Variants in P4HA1 observed in about 807,000 individuals in gnomAD.
The protein encoded by P4HA1 is prolyl 4-hydroxylase subunit alpha 1, also known as prolyl 4-hydroxylase subunit alpha-1.
Under a neutral mutation model 72.8 loss-of-function variants are expected in P4HA1, and 24 were observed. That is an observed-to-expected ratio of 0.33 (90% CI 0.24 to 0.46). P4HA1 has a LOEUF of 0.46. Among genes scored for constraint, P4HA1 ranks in the 20% least tolerant of loss-of-function variants. The pLI is 1.00. For missense variants in P4HA1, 446 were observed against 640.6 expected (o/e 0.70, Z 3.28); for synonymous variants, 201 against 218.8 (o/e 0.92, Z 0.72).
intron 12 of P4HA1, among the ~76,000 whole-genome samples, chr10:73,011,354 CACAGAT>C (rs1450180145): frequency 6.6e-6 from 1 of 152,086 alleles, no homozygotes; most frequent in African/African-American, 2.4e-5. Context: ...TGAGTCAATA[CACAGAT>C]ATAAATATGT....
intron 1 of P4HA1, among the ~76,000 whole-genome samples, chr10:73,075,165 T>C (rs1774195044): frequency 6.6e-6 from 1 of 152,264 alleles, no homozygotes; most frequent in Non-Finnish European, 1.5e-5. Context: ...TGGAGTGCCA[T>C]GGTGTGATCT....
intron 11 of P4HA1, among the ~76,000 whole-genome samples, chr10:73,015,564 T>G (rs529063906): frequency 1.3e-5 from 2 of 152,208 alleles, no homozygotes; most frequent in African/African-American, 4.8e-5. Flanking sequence ...GGCTCCTGTA[T>G]CACAAGAGAT....
chr10:73,055,133 T>C (rs1421921658), intron 5 of P4HA1, among the ~76,000 whole-genome samples: 1 of 152,188 alleles, frequency 6.6e-6, no homozygotes, highest in Non-Finnish European at 1.5e-5. Flanking sequence ...GCTGAGAGGC[T>C]AAGGCAAGAA....
At position 73,009,898 on chromosome 10, in the gene P4HA1, AGTTCCC is replaced by A; in HGVS notation, c.1438-1_1442del. On this transcript the variant is annotated splice_acceptor_variant and coding_sequence_variant, in exon 14 of 15. Coordinates refer to ENST00000394890, the MANE Select transcript of P4HA1 (RefSeq NM_001017962.3). LOFTEE classifies it high-confidence loss of function. ...CAAACAGATTATACCAGAAAACAGC[AGTTCCC>A]TATGGAGAACAATTCACAATTATCC... 1 of 1,577,404 alleles carries A rather than the reference AGTTCCC, an allele frequency of 6.3e-7. No individual in the cohort carries two copies. Among genetic ancestry groups the A allele is most frequent in the Non-Finnish European group, 8.7e-7 (1 of 1,146,724 alleles).
chr10:73,026,745 A>T (rs1840279595), intron 10 of P4HA1, among the ~76,000 whole-genome samples: 1 of 152,218 alleles, frequency 6.6e-6, no homozygotes, highest in Admixed American at 6.5e-5. Context: ...CAAAGAACTT[A>T]AATTTACAAG....
rs376523032 is a variant in P4HA1 at position 73,078,326 on chromosome 10, A to AATGTTGTT, written c.-32-3419_-32-3412dup. 1.8e-3 allele frequency among the ~76,000 whole-genome samples: 272 copies of AATGTTGTT among 152,264 alleles called. 3 individuals carry two copies. Among genetic ancestry groups the AATGTTGTT allele is most frequent in the African/African-American group, 6.2e-3 (258 of 41,576 alleles). On this transcript the variant is annotated intron_variant, in intron 1 of 14. Coordinates refer to ENST00000394890, the MANE Select transcript of P4HA1 (RefSeq NM_001017962.3). ...GAACAATTAACAAGCAAAATTATTT[A>AATGTTGTT]ATGTTGTTATATGCCAAGAAACTTA...
In P4HA1 at chr10:73,079,615, G is replaced by A. The variant is rs1012188063; in HGVS notation, c.-32-4700C>T. ...AAATTAGCCGGGCGTGGTGGCAGGC[G>A]CCTATAATCCCAGCTACTCAGGAGG... On this transcript the variant is annotated intron_variant, in intron 1 of 14. Coordinates refer to ENST00000394890, the MANE Select transcript of P4HA1 (RefSeq NM_001017962.3). Among the ~76,000 whole-genome samples the A allele has an allele frequency of 8.5e-5, 13 of 152,160 alleles. 1 individual carries two copies. The highest frequency in any genetic ancestry group is 8.3e-4 in the South Asian group (4 of 4,816).
At chr10:73,036,553 C>T (rs12243819) in intron 9 of P4HA1, among the ~76,000 whole-genome samples, 16,224 of 151,912 alleles carry the variant, frequency 0.11, 1,245 homozygotes, top group East Asian at 0.29. Context: ...TGCACCACCA[C>T]GCCCGGCTAA....
chr10:73,018,219 T>C (rs1273416301), intron 10 of P4HA1, among the ~76,000 whole-genome samples: 1 of 151,906 alleles, frequency 6.6e-6, no homozygotes, highest in Non-Finnish European at 1.5e-5. Context: ...CTGCATCCCA[T>C]GAGATGTCTG....
intron 1 of P4HA1, among the ~76,000 whole-genome samples, chr10:73,081,384 T>C (rs1212637765): frequency 6.6e-6 from 1 of 152,166 alleles, no homozygotes; most frequent in East Asian, 1.9e-4. Flanking sequence ...GGTTCAAAAG[T>C]GTTTATTATA....
intron 6 of P4HA1, 35 bp downstream of exon 6, chr10:73,053,316 T>A (rs1009116453): frequency 3.1e-6 from 5 of 1,597,588 alleles, no homozygotes; most frequent in Non-Finnish European, 4.3e-6. Context: ...TCCCTCAATA[T>A]AACTATAACC....
In P4HA1 at chr10:73,051,100, C is replaced by G; in HGVS notation, c.853G>C (p.Glu285Gln). ...CACAGCATTTCGTACTTCTGTCTCT[C>G]TGGCAGGTAATCCACAGCAACCCCT... Reference protein sequence around the residue: ...KKGVAVDYLPERQKYEMLCRG... With the variant: ...KKGVAVDYLPQRQKYEMLCRG... The change falls in exon 7 of 15, where the codon GAG becomes CAG. Residue 285 changes from glutamate to glutamine, a missense_variant. Transcript: ENST00000394890. 1.2e-6 allele frequency: 2 copies of G among 1,614,150 alleles called. No individual in the cohort carries two copies. Among genetic ancestry groups the G allele is most frequent in the Non-Finnish European group, 1.7e-6 (2 of 1,180,030 alleles).
rs931394057 is a variant in P4HA1 at position 73,096,769 on chromosome 10, G to C, written c.-36C>G. 1 of 153,198 alleles carries C rather than the reference G, an allele frequency of 6.5e-6. No individual in the cohort carries two copies. The highest frequency in any genetic ancestry group is 2.4e-5 in the African/African-American group (1 of 41,464). 9.5% of individuals were successfully genotyped at this position (153,198 alleles called of 1,614,324 possible). ...CGGGATCGAGGGAGCGTCTCACCTG[G>C]AAAGTGGGACGAGAGGGCGGCGCGC... On this transcript the variant is annotated 5_prime_UTR_variant, in exon 1 of 15. Transcript: ENST00000394890.
At chr10:73,039,240 T>G (rs867254594) in intron 9 of P4HA1, among the ~76,000 whole-genome samples, 58 of 151,920 alleles carry the variant, frequency 3.8e-4, no homozygotes, top group Non-Finnish European at 6.2e-4. Flanking sequence ...GCTATGATCA[T>G]GCCACTGGAC....
At chr10:73,029,433 A>AAAC (rs894278536) in intron 10 of P4HA1, among the ~76,000 whole-genome samples, 1 of 151,830 alleles carries the variant, frequency 6.6e-6, no homozygotes, top group African/African-American at 2.4e-5. Context: ...AAAAAAAAAA[A>AAAC]AAAATTGCAA....
intron 7 of P4HA1, among the ~76,000 whole-genome samples, chr10:73,047,664 T>C (rs1164076460): frequency 1.3e-5 from 2 of 151,808 alleles, no homozygotes; most frequent in African/African-American, 4.8e-5. Flanking sequence ...TATTAGGCAG[T>C]ATAAAAATAG....
intron 10 of P4HA1, among the ~76,000 whole-genome samples, chr10:73,024,818 G>A (rs957759724): frequency 6.6e-6 from 1 of 152,266 alleles, no homozygotes; most frequent in South Asian, 2.1e-4. Context: ...TATCACCACA[G>A]ATCCCACAGA....
intron 10 of P4HA1, among the ~76,000 whole-genome samples, chr10:73,021,022 T>C (rs992554027): frequency 1.3e-5 from 2 of 151,860 alleles, no homozygotes; most frequent in Non-Finnish European, 2.9e-5. Flanking sequence ...GTAATCCCAG[T>C]TACACAGGAG....
intron 5 of P4HA1, among the ~76,000 whole-genome samples, chr10:73,058,447 C>T (rs1397753273): frequency 6.6e-6 from 1 of 152,174 alleles, no homozygotes; most frequent in Non-Finnish European, 1.5e-5. Flanking sequence ...GGCTATGACA[C>T]GCATAGCATT....
Sources: allele counts gnomAD v4.1 joint callset (sites outside exome capture counted in the v4.1 genomes callset), GRCh38; gene constraint gnomAD v4.1.1; transcripts MANE v1.5; gene names NCBI Gene and HGNC (gene_info 2026-07-23, HGNC 2026-07-21).